The following LAMA1 variants were observed in gnomAD, a reference collection of about 807,000 sequenced individuals.
LAMA1 encodes laminin subunit alpha-1.
Under a neutral mutation model 348.7 loss-of-function variants are expected in LAMA1, and 219 were observed. The ratio of observed to expected loss-of-function variants is 0.63; its 90% CI spans 0.56 to 0.70. The LOEUF is 0.70. Among genes scored for constraint, LAMA1 ranks in the 30% least tolerant of loss-of-function variants. LAMA1 has a pLI of 0.00. For synonymous variants in LAMA1, 1,487 were observed against 1,491.0 expected (o/e 1.00, Z 0.06); for missense variants, 3,744 against 3,888.0 (o/e 0.96, Z 0.99).
intron 42 of LAMA1, among the ~76,000 whole-genome samples, chr18:6,980,249 C>A (rs2057705061): frequency 6.6e-6 from 1 of 152,134 alleles, no homozygotes; most frequent in South Asian, 2.1e-4. Context: ...TGTGTCAATC[C>A]CATTTCAAAA....
intron 3 of LAMA1, among the ~76,000 whole-genome samples, chr18:7,058,439 G>T (rs2058090789): frequency 6.6e-6 from 1 of 152,136 alleles, no homozygotes; most frequent in African/African-American, 2.4e-5. Flanking sequence ...TCTTCACTTT[G>T]CCCTGTTATG....
chr18:7,024,722 C>T (rs755683901), intron 17 of LAMA1, among the ~76,000 whole-genome samples: 2 of 152,180 alleles, frequency 1.3e-5, no homozygotes, highest in African/African-American at 2.4e-5. Context: ...CAGCCCACAG[C>T]GCGCCTGCTT....
intron 16 of LAMA1, among the ~76,000 whole-genome samples, chr18:7,027,612 AC>A (rs1291149538): frequency 6.6e-6 from 1 of 152,134 alleles, no homozygotes; most frequent in Non-Finnish European, 1.5e-5. Flanking sequence ...AAACATGTCC[AC>A]AAATCATAGA....
At chr18:7,064,719 C>G (rs1568052573) in intron 3 of LAMA1, among the ~76,000 whole-genome samples, 1 of 152,150 alleles carries the variant, frequency 6.6e-6, no homozygotes, top group Admixed American at 6.5e-5. Context: ...CCACTAGAGA[C>G]CTACTAAGTG....
rs763272504 is a variant in LAMA1, at chr18:7,043,277, T to C, written c.1105A>G (p.Met369Val). Residue 369 changes from methionine (M) to valine (V), a missense_variant, in exon 8 of 63, where the codon ATG becomes GTG. Around this residue, in one of 3 missense-constraint regions of LAMA1, gnomAD observed 1,529 missense variants for 1,689.4 expected, o/e 0.91. Coordinates refer to ENST00000389658, the MANE Select transcript of LAMA1 (RefSeq NM_005559.4). ...ATACAGGTTTCACAGTTGATTCCCA[T>C]GGTGTTCTGCAAGCAATTTATGCAA... ...GVCINCLQNT[M>V]GINCETCIDG... The C allele has an allele frequency of 2.7e-5, 43 of 1,614,040 alleles. No homozygotes were observed. Among genetic ancestry groups the C allele is most frequent in the East Asian group, 6.7e-5 (3 of 44,874 alleles).
intron 54 of LAMA1, among the ~76,000 whole-genome samples, chr18:6,959,067 T>G (rs1486483944): frequency 1.3e-5 from 2 of 152,188 alleles, no homozygotes; most frequent in South Asian, 2.1e-4. Flanking sequence ...GTACTACTAT[T>G]TGCCACAGAA....
At chr18:6,999,875 G>A in intron 31 of LAMA1, 36 bp downstream of exon 31, 3 of 1,561,490 alleles carry the variant, frequency 1.9e-6, no homozygotes, top group Non-Finnish European at 2.6e-6. Flanking sequence ...GAAACAGAGT[G>A]CCCAGGGATT....
Position 7,043,402 on chromosome 18 carries a change from C to T in LAMA1, c.980G>A (p.Cys327Tyr). 3 of 1,612,362 alleles carry T rather than the reference C, an allele frequency of 1.9e-6. No homozygotes were observed. The highest frequency in any genetic ancestry group is 2.5e-6 in the Non-Finnish European group (3 of 1,179,716). Residue 327 changes from cysteine to tyrosine, a missense_variant, in exon 8 of 63, where the codon TGT becomes TAT. This residue lies in a region of LAMA1 where 1,529 missense variants were observed against 1,689.4 expected (regional missense o/e 0.91). Coordinates refer to ENST00000389658, the MANE Select transcript of LAMA1 (RefSeq NM_005559.4). The part of the protein sequence containing the change: ...TVSSGNTCEA[C>Y]NCHNKAKDCY... Reference sequence around the variant, plus strand: ...GTCTTTGGCTTTATTGTGACAATTACATGCTAGGAGAATATTTTTAACATC... The same window carrying T: ...GTCTTTGGCTTTATTGTGACAATTATATGCTAGGAGAATATTTTTAACATC...
intron 1 of LAMA1, among the ~76,000 whole-genome samples, chr18:7,092,483 G>A (rs930830444): frequency 3.3e-5 from 5 of 151,954 alleles, no homozygotes; most frequent in African/African-American, 4.8e-5. Context: ...AAAATTAGCC[G>A]GGCGTGGTGG....
Position 7,007,136 on chromosome 18 carries a change from T to C in LAMA1, c.4260+3A>G, listed in dbSNP as rs2057835776. 1 of 1,613,974 alleles carries C rather than the reference T, an allele frequency of 6.2e-7. No homozygotes were observed. Among genetic ancestry groups the C allele is most frequent in the Non-Finnish European group, 8.5e-7 (1 of 1,179,972 alleles). On this transcript the variant is annotated splice_donor_region_variant and intron_variant, in intron 29 of 62. Coordinates refer to ENST00000389658, the MANE Select transcript of LAMA1 (RefSeq NM_005559.4). Reference sequence around the variant, plus strand: ...AGGCAAGCACCCCCACAAACCAGCATACCAGACACTTCCCGGTGTTGGGGT... The same window carrying C: ...AGGCAAGCACCCCCACAAACCAGCACACCAGACACTTCCCGGTGTTGGGGT...
chr18:6,966,384 G>C, intron 48 of LAMA1, 87 bp from the exon 49 acceptor site: 4 of 1,085,830 alleles, frequency 3.7e-6, no homozygotes, highest in Non-Finnish European at 5.5e-6. Context: ...CCTTCACAAA[G>C]ATCACTGTAG....
At chr18:6,954,842 G>T (rs1011281171) in intron 57 of LAMA1, 3 of 219,374 alleles carry the variant, frequency 1.4e-5, no homozygotes, top group African/African-American at 6.9e-5. Flanking sequence ...GGAGAGAGGA[G>T]CAACATGGAG....
At chr18:7,002,418 A>T (rs767011314) in intron 29 of LAMA1, 33 bp from the exon 30 acceptor site, 11 of 1,611,062 alleles carry the variant, frequency 6.8e-6, no homozygotes, top group Admixed American at 1.7e-5. Flanking sequence ...AGGGGGAAAA[A>T]ATGGGAAATT....
intron 19 of LAMA1, among the ~76,000 whole-genome samples, chr18:7,020,047 A>C (rs956807669): frequency 6.6e-6 from 1 of 152,168 alleles, no homozygotes; most frequent in African/African-American, 2.4e-5. Flanking sequence ...AAATAGTGTT[A>C]TTTTAGGCCA....
Position 7,017,394 on chromosome 18 carries a change from T to G in LAMA1, c.2702-10A>C. 1.9e-6 allele frequency: 3 copies of G among 1,596,908 alleles called. No individual in the cohort carries two copies. The South Asian group carries it at 3.3e-5, about 18-fold the overall frequency. On this transcript the variant is annotated splice_polypyrimidine_tract_variant and intron_variant, in intron 19 of 62. Coordinates refer to ENST00000389658, the MANE Select transcript of LAMA1 (RefSeq NM_005559.4). Reference sequence around the variant, plus strand: ...ACATGGCATTCACAGGCTAAACACATGCACACAAAGACATATTAACCCTCA... The same window carrying G: ...ACATGGCATTCACAGGCTAAACACAGGCACACAAAGACATATTAACCCTCA...
intron 33 of LAMA1, among the ~76,000 whole-genome samples, chr18:6,996,421 TG>T (rs1404482391): frequency 1.3e-5 from 2 of 152,180 alleles, no homozygotes; most frequent in African/African-American, 4.8e-5. Context: ...GCATAGATTA[TG>T]TCAAATTCTA....
chr18:7,037,612 T>C lies in LAMA1; in HGVS notation c.1703A>G (p.Tyr568Cys). 1 of 1,614,080 alleles carries C rather than the reference T, an allele frequency of 6.2e-7. No individual in the cohort carries two copies. The highest frequency in any genetic ancestry group is 2.2e-5 in the East Asian group (1 of 44,862). The part of the protein sequence containing the change: ...AVMQRLAPKY[Y>C]WAAPEAYLGN... ...AAGGTAGGCCTCGGGGGCTGCCCAG[T>C]AGTACTTGGGAGCCAGTCTCTGCAT... Residue 568 changes from tyrosine (Y) to cysteine (C), a missense_variant, in exon 12 of 63, where the codon TAC becomes TGC. Physicochemically the swap from Tyr to Cys is radical, Grantham distance 194. Coordinates refer to ENST00000389658, the MANE Select transcript of LAMA1 (RefSeq NM_005559.4).
chr18:6,973,089 TGA>T lies in LAMA1; in HGVS notation c.6740_6741del (p.Leu2247HisfsTer22). 1 of 1,614,208 alleles carries T rather than the reference TGA, an allele frequency of 6.2e-7. No individual in the cohort carries two copies. The highest frequency in any genetic ancestry group is 8.5e-7 in the Non-Finnish European group (1 of 1,179,996). On this transcript the variant is annotated frameshift_variant, in exon 47 of 63. Transcript: ENST00000389658. LOFTEE classifies it high-confidence loss of function. The stretch of plus-strand genomic sequence containing the variant: ...TGTCCTCCAAGACCTCCAACAAACA[TGA>T]GTGTTGAATTGTTTACATCCAGAAC... ...ANVLDVNNSTLMFVGGLGGQI... is the reference protein window; with the variant it reads ...ANVLDVNNSTXMFVGGLGGQI...
chr18:7,018,336 CAAAAAAA>C (rs764975447), intron 19 of LAMA1, among the ~76,000 whole-genome samples: 2 of 44,200 alleles, frequency 4.5e-5, no homozygotes, highest in Non-Finnish European at 7.4e-5. Flanking sequence ...AACTCCATCT[CAAAAAAA>C]AAAAAAAAAA....
Sources: gnomAD v4.1 joint callset for allele counts (sites outside exome capture counted in the v4.1 genomes callset) on GRCh38, gnomAD v4.1.1 for gene constraint, gnomAD v4.1.1 regional missense constraint, MANE v1.5 for transcripts, NCBI Gene and HGNC (gene_info 2026-07-23, HGNC 2026-07-21) for gene names.